The following AKAP19 variants were observed in gnomAD, a reference collection of about 807,000 sequenced individuals.
AKAP19 encodes the protein small A-kinase anchoring protein.
At chr2:190,016,435 G>A in the AKAP19 span, among the ~76,000 whole-genome samples, 1 of 152,134 alleles carries the variant, frequency 6.6e-6, no homozygotes, top group East Asian at 1.9e-4. Flanking sequence ...CAGCATGGGG[G>A]ACACCAACCC....
chr2:190,062,775 G>T, the AKAP19 span: 2 of 588,032 alleles, frequency 3.4e-6, no homozygotes, highest in East Asian at 5.8e-5. Context: ...ACTTAGATGA[G>T]ACAAGTGTCG....
At chr2:190,048,779 T>C in the AKAP19 span, among the ~76,000 whole-genome samples, 1 of 152,164 alleles carries the variant, frequency 6.6e-6, no homozygotes, top group East Asian at 1.9e-4. Context: ...GAGATGTCCA[T>C]TGGGCATCAT....
chr2:189,943,664 C>A, the AKAP19 span, among the ~76,000 whole-genome samples: 1 of 152,256 alleles, frequency 6.6e-6, no homozygotes, highest in Non-Finnish European at 1.5e-5. Flanking sequence ...AAGCTGCAGG[C>A]ACTCAACACC....
chr2:189,951,665 T>G, the AKAP19 span, among the ~76,000 whole-genome samples: 1 of 152,226 alleles, frequency 6.6e-6, no homozygotes, highest in Non-Finnish European at 1.5e-5. Flanking sequence ...CTAAAAATAT[T>G]TCTTCACTCT....
At chr2:190,129,402 C>T in the AKAP19 span, among the ~76,000 whole-genome samples, 3 of 152,112 alleles carry the variant, frequency 2.0e-5, no homozygotes, top group Non-Finnish European at 2.9e-5. Flanking sequence ...AGAATCACTC[C>T]CATCCCTCAA....
the AKAP19 span, among the ~76,000 whole-genome samples, chr2:190,107,622 G>A: frequency 6.6e-6 from 1 of 152,162 alleles, no homozygotes; most frequent in East Asian, 1.9e-4. Context: ...AGTACTGCTT[G>A]TTCTAGAAGT....
At chr2:190,180,608 C>G in the AKAP19 span, 1 of 985,654 alleles carries the variant, frequency 1.0e-6, no homozygotes, top group Admixed American at 6.1e-5. This position sits in a 1 kb window ranked among gnomAD's most constrained non-coding sequence, Gnocchi z 6.8. Flanking sequence ...CCAGACCAAC[C>G]GGCTGGCAGC....
chr2:189,944,977 A>G, the AKAP19 span, among the ~76,000 whole-genome samples: 4 of 152,214 alleles, frequency 2.6e-5, no homozygotes, highest in Non-Finnish European at 4.4e-5. Context: ...AAATTAAACA[A>G]TATGCTCCTA....
chr2:189,893,614 C>T, the AKAP19 span, among the ~76,000 whole-genome samples: 7 of 152,278 alleles, frequency 4.6e-5, no homozygotes, highest in African/African-American at 1.7e-4. Flanking sequence ...AAATCACCTG[C>T]CTTCTGTGTT....
At chr2:189,975,559 G>A in the AKAP19 span, among the ~76,000 whole-genome samples, 5 of 152,150 alleles carry the variant, frequency 3.3e-5, no homozygotes, top group Non-Finnish European at 5.9e-5. Flanking sequence ...TCTCCTGGAT[G>A]ATATCCTGCA....
the AKAP19 span, among the ~76,000 whole-genome samples, chr2:189,922,274 G>C: frequency 4.6e-5 from 7 of 152,144 alleles, no homozygotes; most frequent in African/African-American, 7.2e-5. Flanking sequence ...CTTTTGCTGT[G>C]GCTGGTCATT....
chr2:189,904,711 T>C, the AKAP19 span, among the ~76,000 whole-genome samples: 1 of 151,968 alleles, frequency 6.6e-6, no homozygotes, highest in Non-Finnish European at 1.5e-5. Flanking sequence ...CAGCCTATCT[T>C]GAGAGAAAAT....
chr2:190,090,774 G>C, the AKAP19 span: 1 of 152,124 alleles, frequency 6.6e-6, no homozygotes, highest in Non-Finnish European at 1.5e-5. Context: ...TCCCTCAAAT[G>C]GTTTCTATCA....
At chr2:190,051,400 GC>G in the AKAP19 span, among the ~76,000 whole-genome samples, 1 of 152,132 alleles carries the variant, frequency 6.6e-6, no homozygotes, top group Admixed American at 6.5e-5. Flanking sequence ...CACAATCACT[GC>G]CCTGAGATGA....
At chr2:190,062,156 T>C in the AKAP19 span, 1 of 1,562,568 alleles carries the variant, frequency 6.4e-7, no homozygotes, top group African/African-American at 1.4e-5. Flanking sequence ...TGAAAATAGA[T>C]CTGTTTCTCA....
chr2:189,908,194 A>G, the AKAP19 span, among the ~76,000 whole-genome samples: 10 of 112,204 alleles, frequency 8.9e-5, no homozygotes, highest in Admixed American at 1.2e-4. Context: ...GTTTATTACT[A>G]TATACTTTTT....
the AKAP19 span, among the ~76,000 whole-genome samples, chr2:189,971,725 T>C: frequency 6.6e-6 from 1 of 152,246 alleles, no homozygotes; most frequent in African/African-American, 2.4e-5. Flanking sequence ...TGCATTTCTC[T>C]GATGGCCAGT....
the AKAP19 span, among the ~76,000 whole-genome samples, chr2:190,094,995 T>A: frequency 1.3e-5 from 2 of 152,214 alleles, no homozygotes; most frequent in Middle Eastern, 6.8e-3. Context: ...GAGGCCGAGA[T>A]GGGCGGATCA....
chr2:190,125,077 G>A, the AKAP19 span, among the ~76,000 whole-genome samples: 1 of 152,018 alleles, frequency 6.6e-6, no homozygotes, highest in African/African-American at 2.4e-5. Context: ...CCTCCTGAAG[G>A]ACCTTCTGGA....
Sources: allele counts gnomAD v4.1 joint callset (sites outside exome capture counted in the v4.1 genomes callset), GRCh38; gene constraint gnomAD v4.1.1; non-coding constraint Gnocchi (gnomAD v3.1); transcripts MANE v1.5; gene names NCBI Gene and HGNC (gene_info 2026-07-23, HGNC 2026-07-21).